GNAI1: variants seen among roughly 807,000 people sequenced by gnomAD.
GNAI1 encodes the protein G protein subunit alpha i1, also known as guanine nucleotide-binding protein G(i) subunit alpha-1.
GNAI1 carries 11 observed loss-of-function variants against 38.9 expected under a neutral mutation model. The ratio of observed to expected loss-of-function variants is 0.28; its 90% CI spans 0.18 to 0.47. The LOEUF (loss-of-function observed/expected upper bound fraction) is 0.47. GNAI1 is among the 20% of genes least tolerant of loss of function. The pLI is 0.99. For synonymous variants in GNAI1, 166 were observed against 145.1 expected, an observed-to-expected ratio of 1.14 and a Z score of -1.04; for missense variants, 317 against 436.9, an observed-to-expected ratio of 0.73 and a Z score of 2.45.
intron 1 of GNAI1, among the ~76,000 whole-genome samples, chr7:80,151,401 C>CA (rs201814243): frequency 0.016 from 2,282 of 143,274 alleles, 21 homozygotes; most frequent in East Asian, 0.052. Flanking sequence ...ACCACAAAGC[C>CA]AAAAAAAAAA....
At chr7:80,140,167 G>T (rs1787501100) in intron 1 of GNAI1, among the ~76,000 whole-genome samples, 1 of 151,902 alleles carries the variant, frequency 6.6e-6, no homozygotes, top group Non-Finnish European at 1.5e-5. Context: ...TGTATTTGTA[G>T]TAGAGACGGG....
rs1787432808 is a variant in GNAI1 at position 80,137,293 on chromosome 7, C to CTTTTCTTTTCTTT, written c.118+2019_118+2020insCTTTTCTTTTTTT. Among the ~76,000 whole-genome samples the CTTTTCTTTTCTTT allele has an allele frequency of 3.1e-5, 3 of 95,262 alleles. 1 individual carries two copies. Among genetic ancestry groups the CTTTTCTTTTCTTT allele is most frequent in the East Asian group, 3.0e-4 (1 of 3,328 alleles). The allele number at this position is 95,262 out of a possible 152,430, so 62.5% of individuals were successfully genotyped here. On this transcript the variant is annotated intron_variant, in intron 1 of 7. Transcript: ENST00000649796. ...GAATTCTTATTTCTTTTTCTTTTTT[C>CTTTTCTTTTCTTT]TTTTTTTTTTTTTCTTTTCTTTTCT...
At chr7:80,166,440 T>C (rs1788011778) in intron 1 of GNAI1, among the ~76,000 whole-genome samples, 1 of 152,136 alleles carries the variant, frequency 6.6e-6, no homozygotes, top group African/African-American at 2.4e-5. Context: ...TTTAGCAAAA[T>C]AGATTGATAC....
chr7:80,206,840 A>G (rs1401312997), intron 5 of GNAI1, among the ~76,000 whole-genome samples: 2 of 152,074 alleles, frequency 1.3e-5, no homozygotes, highest in Non-Finnish European at 2.9e-5. Flanking sequence ...TAAGAGACTA[A>G]CAAGTAATAA....
Position 80,169,877 on chromosome 7 carries a change from G to C in GNAI1, c.119-19074G>C, listed in dbSNP as rs118155162. On this transcript the variant is annotated intron_variant, in intron 1 of 7. Transcript: ENST00000649796. ...TTACTCAACCACTGGTCTACGTTCT[G>C]TCTCTATAGATTTGACATTTCTGGA... 9.2e-5 allele frequency among the ~76,000 whole-genome samples: 14 copies of C among 152,192 alleles called. No homozygotes were observed. In the East Asian group the frequency reaches 2.7e-3, roughly 29 times the overall value.
intron 1 of GNAI1, among the ~76,000 whole-genome samples, chr7:80,177,765 T>C (rs527701575): frequency 1.6e-4 from 24 of 152,344 alleles, no homozygotes; most frequent in African/African-American, 5.0e-4. Flanking sequence ...TGAGCCACTG[T>C]GCCCAGCCTA....
At chr7:80,178,380 A>C (rs995311785) in intron 1 of GNAI1, among the ~76,000 whole-genome samples, 1 of 150,466 alleles carries the variant, frequency 6.6e-6, no homozygotes, top group African/African-American at 2.5e-5. Context: ...TGCTGCGGGT[A>C]AAGTGTTACT....
At chr7:80,193,755 C>CTGA (rs1327837871) in intron 3 of GNAI1, among the ~76,000 whole-genome samples, 1 of 152,126 alleles carries the variant, frequency 6.6e-6, no homozygotes, top group Non-Finnish European at 1.5e-5. Context: ...TATGTTCACT[C>CTGA]TGAGAGTTTT....
At position 80,221,284 on chromosome 7, in the gene GNAI1, G is replaced by T. The variant is rs1049755546; in HGVS notation, c.*3791G>T. 6.6e-6 allele frequency among the ~76,000 whole-genome samples: 1 copy of T among 152,150 alleles called. No individual in the cohort carries two copies. The highest frequency in any genetic ancestry group is 2.4e-5 in the African/African-American group (1 of 41,426). ...ATTAAATAATCCATTAATTTTAATG[G>T]TTGTTGTCAGCATTAAATAAGTTCA... On this transcript the variant is annotated 3_prime_UTR_variant, in exon 8 of 8. Transcript: ENST00000649796.
intron 1 of GNAI1, chr7:80,135,707 G>A (rs1485184307): frequency 1.5e-6 from 1 of 673,670 alleles, no homozygotes; most frequent in African/African-American, 2.1e-5. Context: ...TGCGGTGTAG[G>A]TTGTGTTTCG....
intron 1 of GNAI1, among the ~76,000 whole-genome samples, chr7:80,179,425 A>G (rs1280368538): frequency 6.6e-6 from 1 of 152,124 alleles, no homozygotes. Context: ...CTTCAGAACC[A>G]CTGTTCTACG....
intron 6 of GNAI1, among the ~76,000 whole-genome samples, chr7:80,212,354 C>G (rs2115711278): frequency 6.6e-6 from 1 of 152,256 alleles, no homozygotes; most frequent in African/African-American, 2.4e-5. Flanking sequence ...TTAAAAACCT[C>G]TATTTATCTT....
At chr7:80,160,785 A>C (rs1283379060) in intron 1 of GNAI1, among the ~76,000 whole-genome samples, 3 of 152,162 alleles carry the variant, frequency 2.0e-5, no homozygotes, top group Non-Finnish European at 4.4e-5. Context: ...CAATTTGAGT[A>C]TTTCCTAAGG....
rs1225253027 is a variant in GNAI1 at position 80,225,355 on chromosome 7, C to G, written c.*7862C>G. The stretch of plus-strand genomic sequence containing the variant: ...CCAATACATGGAGGGGGAGTTGACC[C>G]TTCAAGATACTGGAAAATTATTAAA... On this transcript the variant is annotated 3_prime_UTR_variant, in exon 8 of 8. Transcript: ENST00000649796. 6.6e-6 allele frequency among the ~76,000 whole-genome samples: 1 copy of G among 152,060 alleles called. No homozygotes were observed. Among genetic ancestry groups the G allele is most frequent in the Non-Finnish European group, 1.5e-5 (1 of 68,028 alleles).
intron 5 of GNAI1, among the ~76,000 whole-genome samples, chr7:80,207,235 A>C (rs1454673505): frequency 6.6e-6 from 1 of 152,094 alleles, no homozygotes; most frequent in Non-Finnish European, 1.5e-5. Flanking sequence ...CAAATATTAA[A>C]TCGATTATTT....
In GNAI1 at chr7:80,222,867, A is replaced by G. The variant is rs1228870981; in HGVS notation, c.*5374A>G. Reference sequence around the variant, plus strand: ...GTCCTGAAAAGCCCACTGTAAGTTGATAATACCTTATTTTGAAAATGCATT... The same window carrying G: ...GTCCTGAAAAGCCCACTGTAAGTTGGTAATACCTTATTTTGAAAATGCATT... On this transcript the variant is annotated 3_prime_UTR_variant, in exon 8 of 8. Coordinates refer to ENST00000649796, the MANE Select transcript of GNAI1 (RefSeq NM_002069.6). Among the ~76,000 whole-genome samples the G allele has an allele frequency of 6.6e-6, 1 of 152,168 alleles. No homozygotes were observed. Among genetic ancestry groups the G allele is most frequent in the Non-Finnish European group, 1.5e-5 (1 of 68,032 alleles).
At chr7:80,181,535 A>G (rs1788293032) in intron 1 of GNAI1, among the ~76,000 whole-genome samples, 1 of 151,648 alleles carries the variant, frequency 6.6e-6, no homozygotes, top group Non-Finnish European at 1.5e-5. Context: ...GTGTAGATTC[A>G]AATTTTAGAA....
intron 1 of GNAI1, among the ~76,000 whole-genome samples, chr7:80,139,721 G>T (rs1417970868): frequency 6.6e-6 from 1 of 152,126 alleles, no homozygotes; most frequent in Non-Finnish European, 1.5e-5. Flanking sequence ...AAAAGGAATA[G>T]TAAATTATGT....
At chr7:80,141,147 G>T (rs1013770553) in intron 1 of GNAI1, among the ~76,000 whole-genome samples, 1 of 152,152 alleles carries the variant, frequency 6.6e-6, no homozygotes, top group East Asian at 1.9e-4. Context: ...CAGGTTTCAG[G>T]GATTGGGACA....
Sources: allele counts gnomAD v4.1 joint callset (sites outside exome capture counted in the v4.1 genomes callset), GRCh38; gene constraint gnomAD v4.1.1; transcripts MANE v1.5; gene names NCBI Gene and HGNC (gene_info 2026-07-23, HGNC 2026-07-21).